ANKFN1: variants seen among roughly 807,000 people sequenced by gnomAD.
ANKFN1 encodes ankyrin repeat and fibronectin type III domain containing 1.
In ANKFN1, 74 loss-of-function variants were observed where a neutral mutation model predicts 108.7. The observed-to-expected ratio is 0.68, with a 90% CI of 0.56 to 0.83. ANKFN1 has a LOEUF of 0.83. Ranked by LOEUF, ANKFN1 falls within the 40% of genes least tolerant of loss-of-function variation. ANKFN1 has a pLI of 0.00. For synonymous variants in ANKFN1, 547 were observed against 516.2 expected, an observed-to-expected ratio of 1.06 and a Z score of -0.81; for missense variants, 1,505 against 1,382.3, an observed-to-expected ratio of 1.09 and a Z score of -1.41.
chr17:56,485,131 G>A, intron 18 of ANKFN1, among the ~76,000 whole-genome samples: 1 of 152,114 alleles, frequency 6.6e-6, no homozygotes, highest in East Asian at 1.9e-4. Context: ...CTATGTGCCA[G>A]GCACTATTCC....
rs1036303360 is a variant in ANKFN1, at chr17:56,510,840, G to A, written c.3012G>A (p.Lys1004=). The change falls in exon 21 of 21, where the codon AAG becomes AAA. Residue 1004 remains lysine (K), a synonymous_variant. Coordinates refer to ENST00000682825, the MANE Select transcript of ANKFN1 (RefSeq NM_001370326.1). ...LGFLGKRKPG[K]HPHYGGFSRH... is the part of the protein sequence containing the mutation. Reference sequence around the variant, plus strand: ...TCCTGGGAAAGCGGAAGCCAGGCAAGCACCCCCACTATGGCGGCTTCAGCC... The same window carrying A: ...TCCTGGGAAAGCGGAAGCCAGGCAAACACCCCCACTATGGCGGCTTCAGCC... The A allele has an allele frequency of 7.8e-6, 12 of 1,536,054 alleles. No individual in the cohort carries two copies. Among genetic ancestry groups the A allele is most frequent in the African/African-American group, 4.1e-5 (3 of 73,074 alleles).
Position 56,196,826 on chromosome 17 carries a change from T to C in ANKFN1, c.-70-15772T>C, listed in dbSNP as rs541324364. Reference sequence around the variant, plus strand: ...CTGCCATAGCTGTTCTGGTGCCTGATAGAATATTAAGGACTTGGGAAGAAG... The same window carrying C: ...CTGCCATAGCTGTTCTGGTGCCTGACAGAATATTAAGGACTTGGGAAGAAG... On this transcript the variant is annotated intron_variant, in intron 1 of 20. Coordinates refer to ENST00000682825, the MANE Select transcript of ANKFN1 (RefSeq NM_001370326.1). 2.4e-4 allele frequency among the ~76,000 whole-genome samples: 37 copies of C among 152,306 alleles called. No homozygotes were observed. The South Asian group carries it at 5.4e-3, about 22-fold the overall frequency.
At chr17:56,141,040 C>T (rs1381735999) in intron 4 of ANKFN1, among the ~76,000 whole-genome samples, 1 of 152,184 alleles carries the variant, frequency 6.6e-6, no homozygotes, top group African/African-American at 2.4e-5. Context: ...TTGCTCCTGG[C>T]TTTCTGGATG....
chr17:56,055,566 C>CATATATATATATATATATATACAT (rs1555588768), intron 4 of ANKFN1, among the ~76,000 whole-genome samples: 13 of 47,446 alleles, frequency 2.7e-4, no homozygotes, highest in African/African-American at 1.7e-3. Context: ...GGTATATATA[C>CATATATATATATATATATATACAT]ATATATATAT....
chr17:56,205,794 G>A (rs983645158), intron 1 of ANKFN1, among the ~76,000 whole-genome samples: 1 of 151,870 alleles, frequency 6.6e-6, no homozygotes, highest in Non-Finnish European at 1.5e-5. Flanking sequence ...ATATTAGGCC[G>A]CTTTGCTTGA....
intron 8 of ANKFN1, among the ~76,000 whole-genome samples, chr17:56,439,278 C>G (rs1461496753): frequency 6.6e-6 from 1 of 152,068 alleles, no homozygotes; most frequent in Non-Finnish European, 1.5e-5. Context: ...ATCTTAAGAT[C>G]TATTGCTTAT....
chr17:56,332,979 G>GTGTATATATA lies in ANKFN1; in HGVS notation c.188+6625_188+6626insGTATATATAT, dbSNP rs570574404. ...ATGAACAAGGTGTGTATATATGTGT[G>GTGTATATATA]TATATATATATATATATATATCTTC... On this transcript the variant is annotated intron_variant, in intron 4 of 20. Coordinates refer to ENST00000682825, the MANE Select transcript of ANKFN1 (RefSeq NM_001370326.1). 7.4e-5 allele frequency among the ~76,000 whole-genome samples: 11 copies of GTGTATATATA among 147,828 alleles called. No individual in the cohort carries two copies. The South Asian group carries it at 8.5e-4, about 11-fold the overall frequency.
intron 2 of ANKFN1, among the ~76,000 whole-genome samples, chr17:56,226,523 G>A (rs1209063534): frequency 6.6e-6 from 1 of 152,174 alleles, no homozygotes; most frequent in Non-Finnish European, 1.5e-5. Flanking sequence ...TTGGAGGAAT[G>A]AAAATTGGAG....
rs1009209287 is a variant in ANKFN1, at chr17:56,510,890, A to C, written c.3062A>C (p.His1021Pro). 27 of 1,536,052 alleles carry C rather than the reference A, an allele frequency of 1.8e-5. No homozygotes were observed. Among genetic ancestry groups the C allele is most frequent in the Non-Finnish European group, 2.3e-5 (26 of 1,146,918 alleles). The change falls in exon 21 of 21, where the codon CAC (histidine) becomes CCC (proline). Residue 1021 changes from histidine to proline, a missense_variant. His to Pro is a moderately conservative substitution (Grantham distance 77). Coordinates refer to ENST00000682825, the MANE Select transcript of ANKFN1 (RefSeq NM_001370326.1). Reference sequence around the variant, plus strand: ...CGCCATCATCGCTGGTTGCGCATCCACAGCGAGACCCAGTCGCTATCGCTC... The same window carrying C: ...CGCCATCATCGCTGGTTGCGCATCCCCAGCGAGACCCAGTCGCTATCGCTC... Reference protein sequence around the residue: ...FSRHHRWLRIHSETQSLSLSE... With the variant: ...FSRHHRWLRIPSETQSLSLSE...
rs188090913 is a variant in ANKFN1 at position 56,454,222 on chromosome 17, C to T, written c.1208-2639C>T. Among the ~76,000 whole-genome samples, 38 of 152,188 alleles carry T rather than the reference C, an allele frequency of 2.5e-4. No homozygotes were observed. In the East Asian group the frequency reaches 6.2e-3, roughly 25 times the overall value. ...TGCCTTACTTTCTTGGAGATTTCATCAGCTTTAATTGCTAAGCCTTCTATT... is the reference window on the plus strand; with the variant it reads ...TGCCTTACTTTCTTGGAGATTTCATTAGCTTTAATTGCTAAGCCTTCTATT... On this transcript the variant is annotated intron_variant, in intron 11 of 20. Coordinates refer to ENST00000682825, the MANE Select transcript of ANKFN1 (RefSeq NM_001370326.1).
At chr17:56,501,926 A>C (rs1195130075) in intron 20 of ANKFN1, among the ~76,000 whole-genome samples, 1 of 152,210 alleles carries the variant, frequency 6.6e-6, no homozygotes, top group Non-Finnish European at 1.5e-5. Flanking sequence ...AGATGAGAGC[A>C]GTTTTTGAAA....
intron 1 of ANKFN1, among the ~76,000 whole-genome samples, chr17:56,170,807 T>TATATATATATATACATACAC (rs1361307404): frequency 1.6e-5 from 1 of 61,452 alleles, no homozygotes; most frequent in African/African-American, 7.0e-5. Flanking sequence ...TATATATATA[T>TATATATATATATACATACAC]ACACACACAC....
chr17:56,326,127 T>C, intron 3 of ANKFN1, 94 bp from the exon 4 acceptor site: 14 of 1,475,934 alleles, frequency 9.5e-6, no homozygotes, highest in Non-Finnish European at 1.3e-5. Context: ...CTATGCATCA[T>C]TTCCTCTTTT....
At chr17:56,259,939 C>CAT (rs1180162343) in intron 3 of ANKFN1, among the ~76,000 whole-genome samples, 1 of 151,772 alleles carries the variant, frequency 6.6e-6, no homozygotes, top group African/African-American at 2.4e-5. Context: ...CACACACACA[C>CAT]ACACACACTC....
At chr17:56,104,089 GTCT>G (rs1490669969) in intron 4 of ANKFN1, among the ~76,000 whole-genome samples, 1 of 152,164 alleles carries the variant, frequency 6.6e-6, no homozygotes, top group Non-Finnish European at 1.5e-5. Context: ...GGATGTCTCT[GTCT>G]TCTTCTTGGC....
chr17:56,108,290 TC>T (rs1009419765), intron 4 of ANKFN1, among the ~76,000 whole-genome samples: 18 of 152,304 alleles, frequency 1.2e-4, no homozygotes, highest in African/African-American at 4.1e-4. Flanking sequence ...CACCTCAGCC[TC>T]CCAAAGTGCT....
intron 6 of ANKFN1, among the ~76,000 whole-genome samples, chr17:56,362,398 G>A (rs895498984): frequency 1.3e-5 from 2 of 152,064 alleles, no homozygotes; most frequent in Non-Finnish European, 2.9e-5. Flanking sequence ...GAAATATATC[G>A]ATGCCATTGA....
At chr17:56,117,360 A>G (rs914812115) in intron 4 of ANKFN1, among the ~76,000 whole-genome samples, 5 of 152,178 alleles carry the variant, frequency 3.3e-5, no homozygotes, top group Admixed American at 1.3e-4. Flanking sequence ...ATTCTTATCT[A>G]ATGGATGAAA....
intron 4 of ANKFN1, among the ~76,000 whole-genome samples, chr17:56,328,626 C>T (rs147581033): frequency 5.3e-5 from 8 of 152,176 alleles, no homozygotes; most frequent in Non-Finnish European, 7.4e-5. Context: ...AAAATAAGTA[C>T]GCTTAGGGCA....
Sources: allele counts gnomAD v4.1 joint callset (sites outside exome capture counted in the v4.1 genomes callset), GRCh38; gene constraint gnomAD v4.1.1; transcripts MANE v1.5; gene names NCBI Gene and HGNC (gene_info 2026-07-23, HGNC 2026-07-21).